The following DSCAML1 variants were observed in gnomAD, a reference collection of about 807,000 sequenced individuals.
DSCAML1 encodes the protein DS cell adhesion molecule like 1.
DSCAML1 carries 38 observed loss-of-function variants against 200.5 expected under a neutral mutation model. The observed-to-expected ratio is 0.19, with a 90% confidence interval of 0.15 to 0.25. DSCAML1 has a LOEUF of 0.25. Ranked by LOEUF, DSCAML1 falls within the 10% of genes least tolerant of loss-of-function variation. The pLI, the probability that DSCAML1 is intolerant of heterozygous loss-of-function variation, is 1.00. For missense variants in DSCAML1, 2,223 were observed against 2,858.8 expected (o/e 0.78, Z 5.07); for synonymous variants, 1,215 against 1,165.0 (o/e 1.04, Z -0.87).
At chr11:117,778,066 G>A (rs2055163724) in intron 2 of DSCAML1, among the ~76,000 whole-genome samples, 3 of 152,340 alleles carry the variant, frequency 2.0e-5, no homozygotes, top group Admixed American at 6.5e-5. Flanking sequence ...TGCACCTGCA[G>A]CCCCTCTGGC....
At chr11:117,455,297 C>T (rs988137685) in intron 19 of DSCAML1, among the ~76,000 whole-genome samples, 11 of 152,228 alleles carry the variant, frequency 7.2e-5, no homozygotes, top group Admixed American at 5.9e-4. Context: ...ATAACTTCCT[C>T]GTCTCTGCCT....
At chr11:117,586,010 A>C (rs1160781872) in intron 3 of DSCAML1, among the ~76,000 whole-genome samples, 1 of 151,990 alleles carries the variant, frequency 6.6e-6, no homozygotes, top group Non-Finnish European at 1.5e-5. Context: ...GCCCTCCATA[A>C]ATGTTTGCTG....
chr11:117,565,843 G>A (rs1176673903), intron 3 of DSCAML1, among the ~76,000 whole-genome samples: 2 of 152,250 alleles, frequency 1.3e-5, no homozygotes, highest in Non-Finnish European at 2.9e-5. Context: ...AGTAGGGGGT[G>A]TGACCAGATC....
intron 3 of DSCAML1, among the ~76,000 whole-genome samples, chr11:117,579,761 G>A (rs2137458000): frequency 6.6e-6 from 1 of 152,274 alleles, no homozygotes; most frequent in Non-Finnish European, 1.5e-5. Flanking sequence ...CTGGTGCCTA[G>A]AACACTGCTT....
At chr11:117,472,194 G>A (rs752191751) in intron 14 of DSCAML1, among the ~76,000 whole-genome samples, 158 bp from the exon 15 acceptor site, 2 of 152,160 alleles carry the variant, frequency 1.3e-5, no homozygotes, top group South Asian at 4.1e-4. Context: ...CTTCACAGAC[G>A]GTGCAAGGGG....
chr11:117,780,330 CTT>C lies in DSCAML1; in HGVS notation c.364+161_364+162del, dbSNP rs2055230028. Among the ~76,000 whole-genome samples the C allele has an allele frequency of 6.7e-6, 1 of 149,204 alleles. No homozygotes were observed. The highest frequency in any genetic ancestry group is 1.5e-5 in the Non-Finnish European group (1 of 66,822). On this transcript the variant is annotated intron_variant, in intron 2 of 32. Transcript: ENST00000651296. The surrounding 1 kb of genome is among the most constrained non-coding windows in gnomAD (Gnocchi z 4.8). ...AGAGAAAGGAGAAAGAAAGGTGTCT[CTT>C]ATGCCTATGGACACACAGCAAGTGG...
chr11:117,724,364 G>C (rs1378432469), intron 3 of DSCAML1, among the ~76,000 whole-genome samples: 1 of 152,176 alleles, frequency 6.6e-6, no homozygotes, highest in Non-Finnish European at 1.5e-5. Context: ...GAGCGGGAAA[G>C]AAGAATGAGG....
intron 3 of DSCAML1, among the ~76,000 whole-genome samples, chr11:117,587,259 C>CCCG (rs954927855): frequency 6.8e-6 from 1 of 147,938 alleles, no homozygotes; most frequent in African/African-American, 2.6e-5. Context: ...TCCAACCCCC[C>CCCG]CCCACGATTT....
intron 3 of DSCAML1, among the ~76,000 whole-genome samples, chr11:117,589,165 C>A (rs1275114347): frequency 6.7e-6 from 1 of 150,058 alleles, no homozygotes; most frequent in Admixed American, 6.6e-5. Flanking sequence ...TAAGAGGGGG[C>A]CTGTAAATAG....
chr11:117,733,565 A>C (rs1341986188), intron 3 of DSCAML1, among the ~76,000 whole-genome samples: 4 of 152,222 alleles, frequency 2.6e-5, no homozygotes, highest in African/African-American at 4.8e-5. Flanking sequence ...AAGAGAGTGC[A>C]GTCAGGCCTG....
In DSCAML1 at chr11:117,430,863, T is replaced by A; in HGVS notation, c.5545A>T (p.Asn1849Tyr). Residue 1849 changes from asparagine (N) to tyrosine (Y), a missense_variant, in exon 32 of 33, where the codon AAC becomes TAC. Asn to Tyr is a moderately radical substitution (Grantham distance 143). Around this residue, in one of 7 missense-constraint regions of DSCAML1, gnomAD observed 96 missense variants for 160.7 expected, o/e 0.60. Transcript: ENST00000651296. ...SSSDQMTTGT[N>Y]ENADSMTSMS... ...GATGTCATGCTGTCGGCGTTCTCGT[T>A]GGTGCCTGTGGTCATCTGGTCAGAG... The A allele has an allele frequency of 6.2e-7, 1 of 1,614,154 alleles. No individual in the cohort carries two copies. Among genetic ancestry groups the A allele is most frequent in the African/African-American group, 1.3e-5 (1 of 75,050 alleles).
chr11:117,607,267 G>A (rs2051586135), intron 3 of DSCAML1, among the ~76,000 whole-genome samples: 1 of 152,216 alleles, frequency 6.6e-6, no homozygotes, highest in South Asian at 2.1e-4. Flanking sequence ...GGCTGGACAT[G>A]CTTGACAGGA....
intron 11 of DSCAML1, among the ~76,000 whole-genome samples, chr11:117,502,140 CA>C (rs1388956500): frequency 6.6e-6 from 1 of 152,118 alleles, no homozygotes; most frequent in African/African-American, 2.4e-5. Context: ...ACAGGCCCGC[CA>C]GGGGAAGTGG....
intron 11 of DSCAML1, among the ~76,000 whole-genome samples, chr11:117,494,463 A>G (rs2049252397): frequency 6.6e-6 from 1 of 152,194 alleles, no homozygotes; most frequent in Non-Finnish European, 1.5e-5. Context: ...TTTTTTGGCT[A>G]GGAAACTATT....
intron 3 of DSCAML1, among the ~76,000 whole-genome samples, chr11:117,734,261 C>G (rs574417402): frequency 9.2e-5 from 14 of 152,316 alleles, no homozygotes; most frequent in African/African-American, 3.1e-4. Context: ...CCTGATTTAC[C>G]TGGCCCTAGG....
At chr11:117,665,123 C>T (rs934945105) in intron 3 of DSCAML1, among the ~76,000 whole-genome samples, 2 of 152,154 alleles carry the variant, frequency 1.3e-5, no homozygotes, top group African/African-American at 2.4e-5. Context: ...CCTGAGCCCT[C>T]GAGCTGCTCC....
chr11:117,775,984 G>C (rs1407220658), intron 3 of DSCAML1, among the ~76,000 whole-genome samples: 1 of 152,192 alleles, frequency 6.6e-6, no homozygotes, highest in Non-Finnish European at 1.5e-5. Context: ...CCTGGGTAGA[G>C]AAAGGAAGAA....
At chr11:117,603,879 G>T (rs779656755) in intron 3 of DSCAML1, among the ~76,000 whole-genome samples, 12 of 152,222 alleles carry the variant, frequency 7.9e-5, no homozygotes, top group African/African-American at 2.9e-4. Context: ...TGAATTCATT[G>T]AGCAGCTACC....
chr11:117,623,905 T>G (rs1242623301), intron 3 of DSCAML1, among the ~76,000 whole-genome samples: 1 of 152,164 alleles, frequency 6.6e-6, no homozygotes, highest in Admixed American at 6.5e-5. Context: ...CTGAATAACA[T>G]GTGTTAAGAC....
Sources: gnomAD v4.1 joint callset for allele counts (sites outside exome capture counted in the v4.1 genomes callset) on GRCh38, gnomAD v4.1.1 for gene constraint, gnomAD v4.1.1 regional missense constraint, Gnocchi (gnomAD v3.1) non-coding constraint, MANE v1.5 for transcripts, NCBI Gene and HGNC (gene_info 2026-07-23, HGNC 2026-07-21) for gene names.